Variants in C12orf50 observed in about 807,000 individuals in gnomAD.
C12orf50 encodes the protein zinc finger CCCH-type containing 11D, also known as uncharacterized protein C12orf50.
Under a neutral mutation model 61.6 loss-of-function variants are expected in C12orf50, and 35 were observed. The ratio of observed to expected loss-of-function variants is 0.57; its 90% CI spans 0.43 to 0.75. The LOEUF (loss-of-function observed/expected upper bound fraction) is 0.75. Ranked by LOEUF, C12orf50 falls within the 30% of genes least tolerant of loss-of-function variation. The pLI is 0.00. For synonymous variants in C12orf50, 178 were observed against 161.5 expected (o/e 1.10, Z -0.77); for missense variants, 475 against 488.5 (o/e 0.97, Z 0.26).
chr12:88,027,719 C>G (rs1049159181), intron 1 of C12orf50: 3 of 152,174 alleles, frequency 2.0e-5, no homozygotes, highest in Non-Finnish European at 4.4e-5. Context: ...TAATGGGCCG[C>G]TATTACTTCT....
chr12:87,994,071 G>A (rs1409579459), intron 7 of C12orf50, among the ~76,000 whole-genome samples: 2 of 151,902 alleles, frequency 1.3e-5, no homozygotes, highest in Non-Finnish European at 2.9e-5. Context: ...GTGGTGGCAC[G>A]CACCTGTAGT....
chr12:88,012,391 T>C (rs1021028659), intron 3 of C12orf50, among the ~76,000 whole-genome samples: 4 of 152,230 alleles, frequency 2.6e-5, no homozygotes, highest in African/African-American at 9.6e-5. Flanking sequence ...AAAGAGCCTT[T>C]TGTATAAACG....
intron 3 of C12orf50, among the ~76,000 whole-genome samples, chr12:88,021,265 A>G (rs1404586667): frequency 1.3e-5 from 2 of 151,256 alleles, no homozygotes; most frequent in African/African-American, 4.9e-5. Flanking sequence ...GAAAAAATTA[A>G]TAAGAAAGAT....
intron 3 of C12orf50, among the ~76,000 whole-genome samples, chr12:88,019,698 G>C (rs767529088): frequency 6.6e-6 from 1 of 151,890 alleles, no homozygotes; most frequent in African/African-American, 2.4e-5. Context: ...AACAATCCAG[G>C]GAGAGTGATA....
intron 3 of C12orf50, among the ~76,000 whole-genome samples, chr12:88,007,469 A>G (rs2136455932): frequency 6.6e-6 from 1 of 152,330 alleles, no homozygotes; most frequent in East Asian, 1.9e-4. Context: ...GAGAAGTCTA[A>G]GGTCAAGGCA....
chr12:87,997,732 G>A (rs1215471322), intron 4 of C12orf50, among the ~76,000 whole-genome samples: 1 of 152,144 alleles, frequency 6.6e-6, no homozygotes, highest in Non-Finnish European at 1.5e-5. Flanking sequence ...TCCCTGCAAA[G>A]GACATGAACT....
chr12:88,000,214 G>A (rs2031595068), intron 3 of C12orf50, among the ~76,000 whole-genome samples: 1 of 151,990 alleles, frequency 6.6e-6, no homozygotes, highest in South Asian at 2.1e-4. Flanking sequence ...ATGATGTGAT[G>A]CAGTTGTGCT....
chr12:87,992,605 A>T (rs890624411), intron 7 of C12orf50, among the ~76,000 whole-genome samples: 2 of 152,098 alleles, frequency 1.3e-5, no homozygotes, highest in African/African-American at 4.8e-5. Context: ...ATCCAAACTA[A>T]GAGTTCAAAC....
intron 4 of C12orf50, among the ~76,000 whole-genome samples, chr12:87,997,393 A>T (rs1229848572): frequency 1.3e-5 from 2 of 150,930 alleles, no homozygotes; most frequent in Non-Finnish European, 2.9e-5. Flanking sequence ...TAGATATATA[A>T]ATATCTATAT....
At chr12:87,996,138 G>A (rs1199538176) in intron 6 of C12orf50, among the ~76,000 whole-genome samples, 1 of 152,166 alleles carries the variant, frequency 6.6e-6, no homozygotes, top group Non-Finnish European at 1.5e-5. Context: ...ATTACCCCAT[G>A]GAGTGTGTAG....
chr12:87,993,265 A>C (rs2031212028), intron 7 of C12orf50, among the ~76,000 whole-genome samples: 1 of 152,200 alleles, frequency 6.6e-6, no homozygotes, highest in South Asian at 2.1e-4. Flanking sequence ...TGAAACCATT[A>C]GTCTATCAAT....
intron 6 of C12orf50, 110 bp downstream of exon 6, chr12:87,996,264 C>T (rs1018701423): frequency 8.0e-5 from 61 of 766,028 alleles, no homozygotes; most frequent in African/African-American, 6.3e-4. Context: ...TGCTCAATTA[C>T]GATGTATTAT....
intron 3 of C12orf50, among the ~76,000 whole-genome samples, chr12:88,011,597 G>C (rs1194661608): frequency 6.6e-6 from 1 of 152,178 alleles, no homozygotes. Context: ...TTGGGCCAGA[G>C]AGACATTAAG....
intron 3 of C12orf50, among the ~76,000 whole-genome samples, chr12:88,019,885 C>A (rs1229561715): frequency 1.3e-5 from 2 of 152,120 alleles, no homozygotes; most frequent in Non-Finnish European, 2.9e-5. Context: ...AGCCTACATT[C>A]AGCATTCTTA....
rs114284834 is a variant in C12orf50, at chr12:87,989,113, A to G, written c.700+151T>C. On this transcript the variant is annotated intron_variant, in intron 8 of 12. Transcript: ENST00000298699. Reference sequence around the variant, plus strand: ...AAAATGGTCATACAGTTAGGGGCAGAGCCAGGACTGGAACCTTAGAGCTCT... The same window carrying G: ...AAAATGGTCATACAGTTAGGGGCAGGGCCAGGACTGGAACCTTAGAGCTCT... 2,287 of 562,230 alleles carry G rather than the reference A, an allele frequency of 4.1e-3. 45 individuals are homozygous for G. The highest frequency in any genetic ancestry group is 0.038 in the African/African-American group (2,005 of 52,756). The allele number at this position is 562,230 out of a possible 1,614,324, so 34.8% of individuals were successfully genotyped here.
chr12:87,995,547 A>G (rs1240239605), intron 6 of C12orf50, among the ~76,000 whole-genome samples: 1 of 152,236 alleles, frequency 6.6e-6, no homozygotes, highest in Non-Finnish European at 1.5e-5. Flanking sequence ...TGAAGGGTAT[A>G]TAGGAATTAA....
intron 3 of C12orf50, among the ~76,000 whole-genome samples, chr12:88,006,956 A>G (rs2031910353): frequency 6.6e-6 from 1 of 152,156 alleles, no homozygotes; most frequent in Admixed American, 6.6e-5. Context: ...TTATTGAATT[A>G]ATACGATTTC....
At position 87,985,971 on chromosome 12, in the gene C12orf50, G is replaced by A; in HGVS notation, c.1005C>T (p.Ile335=). Residue 335 remains isoleucine (I), a synonymous_variant, in exon 11 of 13, where the codon ATC becomes ATT. Coordinates refer to ENST00000298699, the MANE Select transcript of C12orf50 (RefSeq NM_152589.3). ...TCCTGACAGCATCTCTTTGAACGTG[G>A]ATATAGGATGCATTCTCCGCATTTC... ...KNRNAENASY[I]HVQRDAVRTV... 1 of 1,613,922 alleles carries A rather than the reference G, an allele frequency of 6.2e-7. No individual in the cohort carries two copies. The highest frequency in any genetic ancestry group is 8.5e-7 in the Non-Finnish European group (1 of 1,179,866).
intron 3 of C12orf50, among the ~76,000 whole-genome samples, chr12:88,016,216 C>G (rs1429006486): frequency 6.6e-6 from 1 of 152,132 alleles, no homozygotes; most frequent in Non-Finnish European, 1.5e-5. Context: ...CACATTTGTA[C>G]AATGCTCTGT....
Sources: allele counts gnomAD v4.1 joint callset (sites outside exome capture counted in the v4.1 genomes callset), GRCh38; gene constraint gnomAD v4.1.1; transcripts MANE v1.5; gene names NCBI Gene and HGNC (gene_info 2026-07-23, HGNC 2026-07-21).